SLF1: variants seen among roughly 807,000 people sequenced by gnomAD.
SLF1 encodes SMC5/6 complex localization factor 1, also known as SMC5-SMC6 complex localization factor protein 1.
SLF1 carries 105 observed loss-of-function variants against 123.0 expected under a neutral mutation model. The ratio of observed to expected loss-of-function variants is 0.85; its 90% CI spans 0.73 to 1.00. The LOEUF (loss-of-function observed/expected upper bound fraction) is 1.00, where lower values mean the gene tolerates loss of function less well. SLF1 is among the 50% of genes least tolerant of loss of function. The probability of loss-of-function intolerance (pLI) is 0.00; values close to 1 mark genes in which losing one functional copy is unlikely to be tolerated. For missense variants in SLF1, 1,239 were observed against 1,223.0 expected, an observed-to-expected ratio of 1.01 and a Z score of -0.20; for synonymous variants, 434 against 406.6, an observed-to-expected ratio of 1.07 and a Z score of -0.81.
chr5:94,634,644 CA>C lies in SLF1; in HGVS notation c.431+3902del, dbSNP rs1468549998. Among the ~76,000 whole-genome samples the C allele has an allele frequency of 7.2e-5, 11 of 152,268 alleles. No individual in the cohort carries two copies. In the East Asian group the frequency reaches 2.1e-3, roughly 29 times the overall value. ...TAATGCTGCAGTAAATATGGGAGTG[CA>C]GATAGCTCTTTAACATACTGGTTTA... On this transcript the variant is annotated intron_variant, in intron 4 of 20. Coordinates refer to ENST00000265140, the MANE Select transcript of SLF1 (RefSeq NM_032290.4).
intron 1 of SLF1, among the ~76,000 whole-genome samples, chr5:94,619,402 G>C (rs1791424202): frequency 6.6e-6 from 1 of 151,960 alleles, no homozygotes; most frequent in South Asian, 2.1e-4. Flanking sequence ...GTGTTCCTGG[G>C]GTTTATATTT....
intron 11 of SLF1, among the ~76,000 whole-genome samples, 173 bp downstream of exon 11, chr5:94,664,081 T>C (rs1749461796): frequency 6.6e-6 from 1 of 152,172 alleles, no homozygotes. Context: ...AGCTACATAC[T>C]AGGTACTACT....
intron 11 of SLF1, among the ~76,000 whole-genome samples, 155 bp from the exon 12 acceptor site, chr5:94,665,706 T>A (rs1266226359): frequency 6.6e-6 from 1 of 152,162 alleles, no homozygotes; most frequent in Non-Finnish European, 1.5e-5. Context: ...TAAGCCAAGA[T>A]CGTGCCACTG....
intron 14 of SLF1, among the ~76,000 whole-genome samples, chr5:94,674,399 G>A (rs1024061109): frequency 2.6e-5 from 4 of 152,142 alleles, no homozygotes; most frequent in African/African-American, 7.2e-5. Context: ...TTGTAGCATT[G>A]TGATATGAGA....
chr5:94,655,886 G>A (rs1227521370), intron 9 of SLF1, among the ~76,000 whole-genome samples: 1 of 151,352 alleles, frequency 6.6e-6, no homozygotes, highest in Non-Finnish European at 1.5e-5. Flanking sequence ...ATGAGATCAT[G>A]TCGTCTCCAG....
rs1227147855 is a variant in SLF1, at chr5:94,695,158, T to A, written c.3023T>A (p.Leu1008Gln). ...ACCAGTGTTCATACTGACTGGTTACTGGATCTTTATGCTGGAAATATAAAG... is the reference window on the plus strand; with the variant it reads ...ACCAGTGTTCATACTGACTGGTTACAGGATCTTTATGCTGGAAATATAAAG... ...ETTSVHTDWL[L>Q]DLYAGNIKTL... The change falls in exon 21 of 21, where the codon CTG (leucine) becomes CAG (glutamine). Residue 1008 changes from leucine to glutamine, a missense_variant. By Grantham distance (113) the Leu-to-Gln change is moderately radical. Coordinates refer to ENST00000265140, the MANE Select transcript of SLF1 (RefSeq NM_032290.4). 1.2e-6 allele frequency: 2 copies of A among 1,612,862 alleles called. No individual in the cohort carries two copies. The highest frequency in any genetic ancestry group is 2.2e-5 in the East Asian group (1 of 44,830).
At chr5:94,620,918 C>T (rs1431937054) in intron 1 of SLF1, among the ~76,000 whole-genome samples, 1 of 152,096 alleles carries the variant, frequency 6.6e-6, no homozygotes, top group Non-Finnish European at 1.5e-5. Flanking sequence ...AAGACTTTCT[C>T]ATATGAATCA....
intron 1 of SLF1, among the ~76,000 whole-genome samples, chr5:94,628,397 A>G (rs1744833420): frequency 6.6e-6 from 1 of 151,904 alleles, no homozygotes; most frequent in Admixed American, 6.6e-5. Context: ...TCGGCCTCCC[A>G]AAGTGCTGGG....
In SLF1 at chr5:94,643,343, G is replaced by A. The variant is rs773117914; in HGVS notation, c.502G>A (p.Ala168Thr). The A allele has an allele frequency of 1.1e-5, 17 of 1,544,870 alleles. No homozygotes were observed. Among genetic ancestry groups the A allele is most frequent in the African/African-American group, 2.7e-5 (2 of 72,754 alleles). ...SSPSGITHVI[A>T]SNARIKAEKE... ...ACCAAGTGGAATAACTCATGTGATT[G>A]CCAGTAATGCAAGAATTAAAGCTGA... The change falls in exon 5 of 21, where the codon GCC becomes ACC. Residue 168 changes from alanine to threonine, a missense_variant. Ala to Thr is a moderately conservative substitution (Grantham distance 58). Coordinates refer to ENST00000265140, the MANE Select transcript of SLF1 (RefSeq NM_032290.4).
rs947962220 is a variant in SLF1, at chr5:94,651,794, G to C, written c.831G>C (p.Leu277Phe). 1.3e-6 allele frequency: 2 copies of C among 1,510,862 alleles called. No homozygotes were observed. Among genetic ancestry groups the C allele is most frequent in the South Asian group, 1.3e-5 (1 of 77,600 alleles). The allele number at this position is 1,510,862 out of a possible 1,614,324, so 93.6% of individuals were successfully genotyped here. A position where few individuals can be genotyped will look rare whatever the true frequency, so the allele number is the denominator to read the frequency against. ...AATTCAGTGGTTCCAGTAAAGATTT[G>C]AAATTTGTTAAAATGAGAAATACCT... ...KEKFSGSSKD[L>F]KFVKMRNTFG... The change falls in exon 7 of 21, where the codon TTG becomes TTC. Residue 277 changes from leucine to phenylalanine, a missense_variant. Coordinates refer to ENST00000265140, the MANE Select transcript of SLF1 (RefSeq NM_032290.4).
chr5:94,666,145 CAA>C, intron 12 of SLF1, 121 bp downstream of exon 12: 4 of 959,440 alleles, frequency 4.2e-6, no homozygotes, highest in Non-Finnish European at 5.9e-6. Context: ...GTTGCAAATA[CAA>C]ATATGTATTG....
intron 4 of SLF1, among the ~76,000 whole-genome samples, chr5:94,632,283 T>C (rs912760769): frequency 6.6e-6 from 1 of 152,142 alleles, no homozygotes; most frequent in East Asian, 1.9e-4. Flanking sequence ...ACTACACTGT[T>C]TTGGTTACTG....
chr5:94,660,648 G>A (rs1748992251), intron 9 of SLF1, among the ~76,000 whole-genome samples: 1 of 152,186 alleles, frequency 6.6e-6, no homozygotes, highest in Non-Finnish European at 1.5e-5. Context: ...GCGCTTGTGG[G>A]CACCAGTGGC....
intron 4 of SLF1, among the ~76,000 whole-genome samples, chr5:94,641,343 A>G (rs1746427526): frequency 6.6e-6 from 1 of 152,162 alleles, no homozygotes. Flanking sequence ...TCTTCTGCTT[A>G]TCTTCATGGG....
intron 14 of SLF1, among the ~76,000 whole-genome samples, chr5:94,674,714 CAG>C (rs534514149): frequency 5.6e-4 from 86 of 152,260 alleles, no homozygotes; most frequent in Admixed American, 1.1e-3. Flanking sequence ...GCAAGTATTG[CAG>C]AGTGACACAA....
At chr5:94,662,600 G>C (rs1455534320) in intron 10 of SLF1, among the ~76,000 whole-genome samples, 5 of 152,124 alleles carry the variant, frequency 3.3e-5, no homozygotes, top group African/African-American at 1.2e-4. Flanking sequence ...GCTTATGACA[G>C]GTGAAATATA....
At position 94,670,271 on chromosome 5, in the gene SLF1, G is replaced by T. The variant is rs1322661637; in HGVS notation, c.1653G>T (p.Leu551=). 1 of 1,482,908 alleles carries T rather than the reference G, an allele frequency of 6.7e-7. No homozygotes were observed. Among genetic ancestry groups the T allele is most frequent in the Non-Finnish European group, 8.9e-7 (1 of 1,120,714 alleles). The allele number at this position is 1,482,908 out of a possible 1,614,324, so 91.9% of individuals were successfully genotyped here. A position where few individuals can be genotyped will look rare whatever the true frequency, so the allele number is the denominator to read the frequency against. ...FNLIESEVQH[L]SQKLYDWSDS... ...TAATTGAAAGTGAAGTACAACATCT[G>T]AGTCAAAAGTAAGTTCTAATCGCAA... The change falls in exon 13 of 21, where the codon CTG becomes CTT. Residue 551 remains leucine (L), a synonymous_variant. Transcript: ENST00000265140.
intron 9 of SLF1, among the ~76,000 whole-genome samples, chr5:94,656,984 TTTA>T (rs1202939973): frequency 8.7e-5 from 13 of 149,424 alleles, no homozygotes; most frequent in Admixed American, 2.0e-4. Context: ...CGTTCTGCTC[TTTA>T]TTATTTATTT....
intron 6 of SLF1, 97 bp from the exon 7 acceptor site, chr5:94,651,605 T>C (rs1478542709): frequency 5.1e-6 from 5 of 985,230 alleles, no homozygotes; most frequent in Non-Finnish European, 7.1e-6. Context: ...ACAAAATCTA[T>C]GTTCCTGGAT....
Sources: gnomAD v4.1 joint callset for allele counts (sites outside exome capture counted in the v4.1 genomes callset) on GRCh38, gnomAD v4.1.1 for gene constraint, MANE v1.5 for transcripts, NCBI Gene and HGNC (gene_info 2026-07-23, HGNC 2026-07-21) for gene names.